Variants in NEMF observed in about 807,000 individuals in gnomAD.
NEMF encodes the protein nuclear export mediator factor, also known as ribosome quality control complex subunit NEMF.
Under a neutral mutation model 162.2 loss-of-function variants are expected in NEMF, and 89 were observed. The ratio of observed to expected loss-of-function variants is 0.55; its 90% CI spans 0.46 to 0.65. The LOEUF is 0.65. NEMF is among the 30% of genes least tolerant of loss of function. The pLI is 0.00. For missense variants in NEMF, 1,133 were observed against 1,261.9 expected (o/e 0.90, Z 1.55); for synonymous variants, 421 against 404.5 (o/e 1.04, Z -0.49).
rs778955451 is a variant in NEMF, at chr14:49,802,480, G to C, written c.2068C>G (p.Leu690Val). ...METLASCTSE[L>V]ISEEMEQLDG... ...AATTGTTCCATTTCTTCTGATATGA[G>C]TTCACTTGTACAACTTGCCAGTGTC... The change falls in exon 22 of 33, where the codon CTC becomes GTC. Residue 690 changes from leucine to valine, a missense_variant. By Grantham distance (32) the Leu-to-Val change is conservative (BLOSUM62 1). Around this residue, in one of 3 missense-constraint regions of NEMF, gnomAD observed 532 missense variants for 578.6 expected, o/e 0.92. Coordinates refer to ENST00000298310, the MANE Select transcript of NEMF (RefSeq NM_004713.6). 43 of 1,613,644 alleles carry C rather than the reference G, an allele frequency of 2.7e-5. 1 individual carries two copies. The highest frequency in any genetic ancestry group is 2.2e-5 in the East Asian group (1 of 44,864).
chr14:49,798,529 C>G (rs867404621), intron 25 of NEMF, among the ~76,000 whole-genome samples: 46 of 152,304 alleles, frequency 3.0e-4, no homozygotes, highest in African/African-American at 1.1e-3. Context: ...AGGAACTTAA[C>G]TCTTGTTTAT....
intron 8 of NEMF, among the ~76,000 whole-genome samples, chr14:49,833,173 G>C (rs909371224): frequency 8.5e-5 from 13 of 152,174 alleles, no homozygotes; most frequent in African/African-American, 2.9e-4. Context: ...GGCTGAGACA[G>C]GAGAATCACT....
chr14:49,801,983 A>G (rs976047876), intron 22 of NEMF, among the ~76,000 whole-genome samples: 48 of 148,828 alleles, frequency 3.2e-4, no homozygotes, highest in South Asian at 1.1e-3. Context: ...ACAGGGTCTC[A>G]TTCTGTGGCC....
chr14:49,818,852 C>A (rs1387037659), intron 16 of NEMF, among the ~76,000 whole-genome samples: 1 of 152,036 alleles, frequency 6.6e-6, no homozygotes, highest in Non-Finnish European at 1.5e-5. Context: ...GGAAATGAGA[C>A]TAGCTCAAGG....
At chr14:49,792,066 C>T (rs1890478019) in intron 26 of NEMF, among the ~76,000 whole-genome samples, 1 of 151,802 alleles carries the variant, frequency 6.6e-6, no homozygotes, top group Non-Finnish European at 1.5e-5. Flanking sequence ...TTGCTTGAGC[C>T]CAGGAGGTCG....
At chr14:49,833,591 C>T (rs760647051) in intron 7 of NEMF, 95 bp from the exon 8 acceptor site, 16 of 729,848 alleles carry the variant, frequency 2.2e-5, no homozygotes, top group Admixed American at 7.4e-5. Context: ...AAAGTGCTTA[C>T]AAAATAATGT....
At chr14:49,799,235 GA>G (rs1402728880) in intron 25 of NEMF, among the ~76,000 whole-genome samples, 1 of 54,960 alleles carries the variant, frequency 1.8e-5, no homozygotes, top group Non-Finnish European at 4.6e-5. Context: ...AAAAAAAAAG[GA>G]AAATGTTAAG....
chr14:49,829,008 C>A, intron 13 of NEMF, 46 bp downstream of exon 13: 1 of 1,532,774 alleles, frequency 6.5e-7, no homozygotes, highest in South Asian at 1.2e-5. Flanking sequence ...ATTAAAATAA[C>A]AAAATAAAGA....
At chr14:49,852,322 G>T (rs554204369) in intron 1 of NEMF, among the ~76,000 whole-genome samples, 1 of 152,184 alleles carries the variant, frequency 6.6e-6, no homozygotes, top group African/African-American at 2.4e-5. Context: ...GTGAGGGGAG[G>T]GAGGTGTTCA....
At chr14:49,795,972 C>A in intron 25 of NEMF, 28 bp from the exon 26 acceptor site, 1 of 1,568,204 alleles carries the variant, frequency 6.4e-7, no homozygotes, top group Non-Finnish European at 8.6e-7. Flanking sequence ...GAAAACATTT[C>A]ATTCTTAGAA....
At chr14:49,846,594 G>C (rs971573239) in intron 3 of NEMF, among the ~76,000 whole-genome samples, 2 of 151,688 alleles carry the variant, frequency 1.3e-5, no homozygotes, top group African/African-American at 2.4e-5. Context: ...GCCTCCTGAG[G>C]ATTGGGACCA....
At chr14:49,827,160 G>GA (rs2139958080) in intron 15 of NEMF, among the ~76,000 whole-genome samples, 1 of 152,198 alleles carries the variant, frequency 6.6e-6, no homozygotes, top group African/African-American at 2.4e-5. Flanking sequence ...AACTGGAAGA[G>GA]AAAAAGGACT....
intron 3 of NEMF, among the ~76,000 whole-genome samples, chr14:49,850,846 A>C (rs889159360): frequency 1.3e-5 from 2 of 152,206 alleles, no homozygotes; most frequent in Non-Finnish European, 2.9e-5. Context: ...AGGCTATAGA[A>C]TATGGATTTA....
intron 18 of NEMF, among the ~76,000 whole-genome samples, chr14:49,811,564 T>C (rs557475637): frequency 6.6e-6 from 1 of 152,280 alleles, no homozygotes; most frequent in African/African-American, 2.4e-5. Context: ...TTAAGTATGA[T>C]TGTTAGCTGT....
intron 5 of NEMF, chr14:49,839,627 T>C (rs1248920101): frequency 1.3e-5 from 2 of 152,222 alleles, no homozygotes; most frequent in African/African-American, 4.8e-5. Context: ...GCACAAGATA[T>C]CCATCTGTCT....
chr14:49,841,444 C>G (rs980314341), intron 4 of NEMF, among the ~76,000 whole-genome samples: 1 of 150,662 alleles, frequency 6.6e-6, no homozygotes, highest in East Asian at 2.0e-4. Context: ...CGTGGTGGTG[C>G]ATGCCTGTAA....
chr14:49,840,710 C>A lies in NEMF; in HGVS notation c.506+8G>T, dbSNP rs1488530029. The stretch of plus-strand genomic sequence containing the variant: ...ATACGAAATGGGTTTAAAAACAAAA[C>A]ACTTTACCTTTCCAAAGTAAGCAAA... On this transcript the variant is annotated splice_region_variant and intron_variant, in intron 5 of 32. Transcript: ENST00000298310. 2 of 1,608,324 alleles carry A rather than the reference C, an allele frequency of 1.2e-6. No individual in the cohort carries two copies. Among genetic ancestry groups the A allele is most frequent in the Non-Finnish European group, 8.5e-7 (1 of 1,178,324 alleles).
chr14:49,832,331 TTC>T (rs1892683871), intron 8 of NEMF, 54 bp from the exon 9 acceptor site: 2 of 1,138,800 alleles, frequency 1.8e-6, no homozygotes, highest in Non-Finnish European at 2.4e-6. Context: ...AAAGATTTAC[TTC>T]TTTTTTTTTT....
intron 26 of NEMF, among the ~76,000 whole-genome samples, chr14:49,793,803 T>C (rs1037327574): frequency 1.3e-5 from 2 of 152,194 alleles, no homozygotes; most frequent in African/African-American, 2.4e-5. Flanking sequence ...GTTAAGACTT[T>C]TGACTGGAAT....
Sources: gnomAD v4.1 joint callset for allele counts (sites outside exome capture counted in the v4.1 genomes callset) on GRCh38, gnomAD v4.1.1 for gene constraint, gnomAD v4.1.1 regional missense constraint, MANE v1.5 for transcripts, NCBI Gene and HGNC (gene_info 2026-07-23, HGNC 2026-07-21) for gene names.